The following CDK8 variants were observed in gnomAD, a reference collection of about 807,000 sequenced individuals.
CDK8 encodes the protein cyclin-dependent kinase 8.
A neutral mutation model predicts 71.5 loss-of-function variants in CDK8; 29 were observed. The ratio of observed to expected loss-of-function variants is 0.41; its 90% CI spans 0.30 to 0.55. The LOEUF (loss-of-function observed/expected upper bound fraction) is 0.55, where lower values mean the gene tolerates loss of function less well. Ranked by LOEUF, CDK8 falls within the 20% of genes least tolerant of loss-of-function variation. The probability of loss-of-function intolerance (pLI) is 0.37; values close to 1 mark genes in which losing one functional copy is unlikely to be tolerated. For synonymous variants in CDK8, 161 were observed against 192.1 expected (o/e 0.84, Z 1.34); for missense variants, 288 against 572.6 (o/e 0.50, Z 5.07).
chr13:26,399,131 T>C (rs1245639281), intron 9 of CDK8, among the ~76,000 whole-genome samples: 4 of 151,772 alleles, frequency 2.6e-5, no homozygotes, highest in Non-Finnish European at 5.9e-5. Context: ...TGCCTCAGCC[T>C]CCCGAGTACC....
chr13:26,308,428 G>A lies in CDK8; in HGVS notation c.129-29139G>A, dbSNP rs140715211. On this transcript the variant is annotated intron_variant, in intron 1 of 12. Coordinates refer to ENST00000381527, the MANE Select transcript of CDK8 (RefSeq NM_001260.3). ...AGGTTTAAATCCCAGCTAGCTCTGT[G>A]ACCTTGGCCAAATGCCAGACCCCTC... Among the ~76,000 whole-genome samples the A allele has an allele frequency of 3.3e-5, 5 of 152,172 alleles. No individual in the cohort carries two copies. In the East Asian group the frequency reaches 5.8e-4, roughly 18 times the overall value.
At chr13:26,301,540 T>C (rs1330537530) in intron 1 of CDK8, among the ~76,000 whole-genome samples, 1 of 152,186 alleles carries the variant, frequency 6.6e-6, no homozygotes, top group African/African-American at 2.4e-5. Context: ...TTATGAGAGA[T>C]GCCATCATCT....
At chr13:26,367,692 A>G (rs1874455455) in intron 4 of CDK8, among the ~76,000 whole-genome samples, 2 of 152,352 alleles carry the variant, frequency 1.3e-5, no homozygotes, top group Admixed American at 6.5e-5. Flanking sequence ...CTGCTATATC[A>G]TCACTATCCA....
intron 1 of CDK8, among the ~76,000 whole-genome samples, chr13:26,278,813 C>A (rs532212063): frequency 6.6e-6 from 1 of 151,644 alleles, no homozygotes; most frequent in African/African-American, 2.4e-5. Flanking sequence ...AAGCCAACCA[C>A]AGATTGAAAG....
chr13:26,285,527 C>A (rs1025241964), intron 1 of CDK8, among the ~76,000 whole-genome samples: 1 of 152,156 alleles, frequency 6.6e-6, no homozygotes, highest in Non-Finnish European at 1.5e-5. Context: ...AAACCCACAG[C>A]CAACATTATA....
rs554661537 is a variant in CDK8 at position 26,306,622 on chromosome 13, CTTTTTTTTTT to C, written c.129-30934_129-30925del. ...TTCCCTCCCTTTGCCCCTTATTGCTCTTTTTTTTTTTTTTTTTTTTCCTTGAGATGGAGTC... is the reference window on the plus strand; with the variant it reads ...TTCCCTCCCTTTGCCCCTTATTGCTCTTTTTTTTTTCCTTGAGATGGAGTC... On this transcript the variant is annotated intron_variant, in intron 1 of 12. Coordinates refer to ENST00000381527, the MANE Select transcript of CDK8 (RefSeq NM_001260.3). Among the ~76,000 whole-genome samples, 5 of 126,700 alleles carry C rather than the reference CTTTTTTTTTT, an allele frequency of 3.9e-5. No individual in the cohort carries two copies. The East Asian group carries it at 6.7e-4, about 17-fold the overall frequency. The allele number at this position is 126,700 out of a possible 152,430, so 83.1% of individuals were successfully genotyped here. A position where few individuals can be genotyped will look rare whatever the true frequency, so the allele number is the denominator to read the frequency against.
At chr13:26,258,216 G>T (rs923926835) in intron 1 of CDK8, among the ~76,000 whole-genome samples, 31 of 152,188 alleles carry the variant, frequency 2.0e-4, no homozygotes, top group African/African-American at 7.2e-4. Flanking sequence ...AGGATTAGGC[G>T]CAGGTTTTTC....
rs543541402 is a variant in CDK8, at chr13:26,255,813, G to A, written c.128+1044G>A. On this transcript the variant is annotated intron_variant, in intron 1 of 12. Coordinates refer to ENST00000381527, the MANE Select transcript of CDK8 (RefSeq NM_001260.3). ...ATCCCAGTTTAGTCACCTGCTGTAT[G>A]ATGTTTAATCACTTAAAATTTCCAA... Among the ~76,000 whole-genome samples, 3 of 152,202 alleles carry A rather than the reference G, an allele frequency of 2.0e-5. No individual in the cohort carries two copies. In the East Asian group the frequency reaches 5.8e-4, roughly 29 times the overall value.
chr13:26,300,715 G>C (rs967187207), intron 1 of CDK8, among the ~76,000 whole-genome samples: 3 of 152,162 alleles, frequency 2.0e-5, no homozygotes, highest in Admixed American at 6.5e-5. Flanking sequence ...TTGAGGACTT[G>C]TTGAAAAATT....
intron 2 of CDK8, among the ~76,000 whole-genome samples, chr13:26,348,300 C>A (rs1873543969): frequency 6.6e-6 from 1 of 152,114 alleles, no homozygotes; most frequent in Admixed American, 6.6e-5. Context: ...TTGTGTAACG[C>A]AGGGGTCCCT....
intron 4 of CDK8, among the ~76,000 whole-genome samples, chr13:26,369,578 G>C (rs1874561161): frequency 7.2e-6 from 1 of 138,712 alleles, no homozygotes; most frequent in Non-Finnish European, 1.5e-5. Flanking sequence ...ACCCAGGCTG[G>C]AGTGCAGTAG....
chr13:26,279,865 C>T (rs879664469), intron 1 of CDK8, among the ~76,000 whole-genome samples: 8 of 152,188 alleles, frequency 5.3e-5, no homozygotes, highest in Admixed American at 5.2e-4. Context: ...AGAGGTATTT[C>T]AGAATGAAGT....
At chr13:26,298,448 A>G (rs1873666626) in intron 1 of CDK8, among the ~76,000 whole-genome samples, 1 of 152,118 alleles carries the variant, frequency 6.6e-6, no homozygotes, top group African/African-American at 2.4e-5. Flanking sequence ...TGGACAGTGA[A>G]ACTTCCGAGT....
chr13:26,254,584 TC>T lies in CDK8; in HGVS notation c.-54del. 1 of 1,291,282 alleles carries T rather than the reference TC, an allele frequency of 7.7e-7. No homozygotes were observed. Among genetic ancestry groups the T allele is most frequent in the Non-Finnish European group, 1.1e-6 (1 of 938,088 alleles). 80.0% of individuals were successfully genotyped at this position (1,291,282 alleles called of 1,614,324 possible). ...GCTGCGGCTGCCCGTGCTTCCCCGG[TC>T]CCCACCCCTGCCCCCCGGCCCCCCG... On this transcript the variant is annotated 5_prime_UTR_variant, in exon 1 of 13. Coordinates refer to ENST00000381527, the MANE Select transcript of CDK8 (RefSeq NM_001260.3). The surrounding 1 kb of genome is among the most constrained non-coding windows in gnomAD (Gnocchi z 6.7).
Position 26,254,595 on chromosome 13 carries a change from G to GCCCCCCCGCCCCCC in CDK8, c.-41_-40insCGCCCCCCCCCCCC. The GCCCCCCCGCCCCCC allele has an allele frequency of 8.4e-7, 1 of 1,194,430 alleles. No individual in the cohort carries two copies. The highest frequency in any genetic ancestry group is 1.2e-6 in the Non-Finnish European group (1 of 847,010). 74.0% of individuals were successfully genotyped at this position (1,194,430 alleles called of 1,614,324 possible). A position where few individuals can be genotyped will look rare whatever the true frequency, so the allele number is the denominator to read the frequency against. ...CCGTGCTTCCCCGGTCCCCACCCCT[G>GCCCCCCCGCCCCCC]CCCCCCGGCCCCCCGACCCAGCTCT... On this transcript the variant is annotated 5_prime_UTR_variant, in exon 1 of 13. Transcript: ENST00000381527. The surrounding 1 kb of genome is among the most constrained non-coding windows in gnomAD (Gnocchi z 6.7).
rs565969039 is a variant in CDK8 at position 26,389,218 on chromosome 13, A to G, written c.646+3876A>G. Among the ~76,000 whole-genome samples the G allele has an allele frequency of 3.3e-5, 5 of 152,258 alleles. No homozygotes were observed. The East Asian group carries it at 9.6e-4, about 29-fold the overall frequency. On this transcript the variant is annotated intron_variant, in intron 6 of 12. Coordinates refer to ENST00000381527, the MANE Select transcript of CDK8 (RefSeq NM_001260.3). The stretch of plus-strand genomic sequence containing the variant: ...CGCTCTGTCACCCAGGCTGGAGTGC[A>G]GTGGTGCAATCTTGGCTCACTGCAA...
intron 1 of CDK8, among the ~76,000 whole-genome samples, chr13:26,268,173 C>G (rs1010403252): frequency 7.9e-5 from 12 of 151,498 alleles, no homozygotes; most frequent in African/African-American, 2.9e-4. Flanking sequence ...ATAGTAATGA[C>G]ATGTTTGAAT....
Position 26,274,551 on chromosome 13 carries a change from C to T in CDK8, c.128+19782C>T, listed in dbSNP as rs1460264857. ...GGTTCATGCCATTCTCCTGCCTCAG[C>T]CTCCCGAGTAGCTGGGACTACAGGC... On this transcript the variant is annotated intron_variant, in intron 1 of 12. Coordinates refer to ENST00000381527, the MANE Select transcript of CDK8 (RefSeq NM_001260.3). Among the ~76,000 whole-genome samples, 10 of 151,966 alleles carry T rather than the reference C, an allele frequency of 6.6e-5. 3 individuals carry two copies. The highest frequency in any genetic ancestry group is 6.5e-4 in the Admixed American group (10 of 15,280).
At chr13:26,267,108 A>AT (rs1872055143) in intron 1 of CDK8, among the ~76,000 whole-genome samples, 1 of 152,192 alleles carries the variant, frequency 6.6e-6, no homozygotes, top group Non-Finnish European at 1.5e-5. Context: ...CTAAATCAGC[A>AT]TTTTTAATTA....
Sources: gnomAD v4.1 joint callset for allele counts (sites outside exome capture counted in the v4.1 genomes callset) on GRCh38, gnomAD v4.1.1 for gene constraint, Gnocchi (gnomAD v3.1) non-coding constraint, MANE v1.5 for transcripts, NCBI Gene and HGNC (gene_info 2026-07-23, HGNC 2026-07-21) for gene names.